The following ERCC8 variants were observed in gnomAD, a reference collection of about 807,000 sequenced individuals.
The protein encoded by ERCC8 is ERCC excision repair 8, CSA ubiquitin ligase complex subunit, also known as DNA excision repair protein ERCC-8.
Under a neutral mutation model 54.9 loss-of-function variants are expected in ERCC8, and 52 were observed. The observed-to-expected ratio is 0.95, with a 90% CI of 0.76 to 1.19. The LOEUF (loss-of-function observed/expected upper bound fraction) is 1.19, where lower values mean the gene tolerates loss of function less well. Among genes scored for constraint, ERCC8 ranks in the 50% most tolerant of loss-of-function variants. The pLI is 0.00. For synonymous variants in ERCC8, 146 were observed against 157.2 expected (o/e 0.93, Z 0.53); for missense variants, 514 against 466.1 (o/e 1.10, Z -0.95).
At chr5:60,885,298 GCCA>G (rs1748364178) in intron 11 of ERCC8, among the ~76,000 whole-genome samples, 1 of 152,042 alleles carries the variant, frequency 6.6e-6, no homozygotes, top group Non-Finnish European at 1.5e-5. Context: ...ACAGATGTGA[GCCA>G]CCACACCTGG....
At chr5:60,937,201 A>G (rs976253410) in intron 1 of ERCC8, among the ~76,000 whole-genome samples, 2 of 152,000 alleles carry the variant, frequency 1.3e-5, no homozygotes, top group African/African-American at 4.8e-5. Flanking sequence ...AGTGGCCTCT[A>G]TGAGGGCCCT....
In ERCC8 at chr5:60,871,114, G is replaced by GA. The variant is rs888749293; in HGVS notation, c.*3500dup. On this transcript the variant is annotated 3_prime_UTR_variant, in exon 12 of 12. Coordinates refer to ENST00000676185, the MANE Select transcript of ERCC8 (RefSeq NM_000082.4). ...CCAGCTAAACTATCATTTCAGAGGGGAAAAAAAAGATGATATTCAACAACT... is the reference window on the plus strand; with the variant it reads ...CCAGCTAAACTATCATTTCAGAGGGGAAAAAAAAAGATGATATTCAACAACT... Among the ~76,000 whole-genome samples, 3 of 151,578 alleles carry GA rather than the reference G, an allele frequency of 2.0e-5. No homozygotes were observed. Among genetic ancestry groups the GA allele is most frequent in the South Asian group, 4.2e-4 (2 of 4,810 alleles).
chr5:60,871,823 C>T lies in ERCC8; in HGVS notation c.*2792G>A, dbSNP rs1217607036. 6.6e-6 allele frequency among the ~76,000 whole-genome samples: 1 copy of T among 152,058 alleles called. No homozygotes were observed. The highest frequency in any genetic ancestry group is 1.5e-5 in the Non-Finnish European group (1 of 68,018). ...TCTTTTCTTTTTCTTTTGGGAGACA[C>T]AAGGTCTCGCCATGTCACCCAGGCT... is the stretch of plus-strand genomic sequence containing the variant. On this transcript the variant is annotated 3_prime_UTR_variant, in exon 12 of 12. Coordinates refer to ENST00000676185, the MANE Select transcript of ERCC8 (RefSeq NM_000082.4).
chr5:60,879,820 A>G (rs1748147072), intron 11 of ERCC8, among the ~76,000 whole-genome samples: 1 of 152,018 alleles, frequency 6.6e-6, no homozygotes, highest in Admixed American at 6.5e-5. Context: ...TCTTTATCCA[A>G]TTTGCCAGTC....
Position 60,938,349 on chromosome 5 carries a change from A to ATT in ERCC8, c.77+6582_77+6583insAA, listed in dbSNP as rs1561519358. The stretch of plus-strand genomic sequence containing the variant: ...GGCCTGTAAGATAGCTACCTTTTTG[A>ATT]ATTTTTTTTTTTTTTTTTTTTTTGA... On this transcript the variant is annotated intron_variant, in intron 1 of 11. Transcript: ENST00000676185. 1.3e-4 allele frequency among the ~76,000 whole-genome samples: 14 copies of ATT among 108,752 alleles called. 2 individuals carry two copies. Among genetic ancestry groups the ATT allele is most frequent in the East Asian group, 4.9e-4 (2 of 4,116 alleles). The allele number at this position is 108,752 out of a possible 152,430, so 71.3% of individuals were successfully genotyped here.
At chr5:60,923,802 T>C (rs1261730600) in intron 2 of ERCC8, among the ~76,000 whole-genome samples, 1 of 152,080 alleles carries the variant, frequency 6.6e-6, no homozygotes, top group East Asian at 1.9e-4. Flanking sequence ...TATACATTTA[T>C]CCCAATCAAA....
chr5:60,885,023 TTTC>T (rs1748354459), intron 11 of ERCC8, among the ~76,000 whole-genome samples: 1 of 152,112 alleles, frequency 6.6e-6, no homozygotes, highest in African/African-American at 2.4e-5. Flanking sequence ...TCTTTTTTTT[TTTC>T]CTTTGAGTCA....
chr5:60,875,499 G>C (rs1263122776), intron 11 of ERCC8, among the ~76,000 whole-genome samples: 1 of 152,146 alleles, frequency 6.6e-6, no homozygotes, highest in Admixed American at 6.6e-5. Flanking sequence ...AGCTACTTCT[G>C]ATACTCATGC....
chr5:60,935,700 A>G (rs937924172), intron 1 of ERCC8, among the ~76,000 whole-genome samples: 2 of 152,086 alleles, frequency 1.3e-5, no homozygotes, highest in Admixed American at 1.3e-4. Flanking sequence ...TTATTACCTT[A>G]AGGTATGTCA....
chr5:60,910,463 GT>G (rs1749225026), intron 4 of ERCC8, among the ~76,000 whole-genome samples: 1 of 152,114 alleles, frequency 6.6e-6, no homozygotes, highest in Non-Finnish European at 1.5e-5. Context: ...CTATAGATCA[GT>G]TTGGGTAGAA....
intron 6 of ERCC8, among the ~76,000 whole-genome samples, 162 bp from the exon 7 acceptor site, chr5:60,902,670 T>C (rs1748937295): frequency 6.6e-6 from 1 of 152,050 alleles, no homozygotes; most frequent in Non-Finnish European, 1.5e-5. Flanking sequence ...TCAATGCTAA[T>C]GTGAAGTTTA....
At chr5:60,883,592 T>G (rs949072367) in intron 11 of ERCC8, among the ~76,000 whole-genome samples, 2 of 152,220 alleles carry the variant, frequency 1.3e-5, no homozygotes, top group Non-Finnish European at 2.9e-5. Context: ...GGATATTTCT[T>G]GATAACTTTC....
chr5:60,928,101 T>A (rs1039447971), intron 2 of ERCC8, among the ~76,000 whole-genome samples: 1 of 152,222 alleles, frequency 6.6e-6, no homozygotes, highest in African/African-American at 2.4e-5. Context: ...TAATGCTATA[T>A]GTGGCCTAAT....
At chr5:60,934,005 T>C (rs1749989834) in intron 1 of ERCC8, among the ~76,000 whole-genome samples, 1 of 152,132 alleles carries the variant, frequency 6.6e-6, no homozygotes, top group East Asian at 1.9e-4. Flanking sequence ...TTTGGGCTGG[T>C]TCTATATTTT....
intron 9 of ERCC8, among the ~76,000 whole-genome samples, chr5:60,891,558 C>T (rs1009276764): frequency 6.6e-6 from 1 of 151,496 alleles, no homozygotes; most frequent in Non-Finnish European, 1.5e-5. Context: ...AAGACTACCC[C>T]ACCAAGAATT....
intron 2 of ERCC8, among the ~76,000 whole-genome samples, chr5:60,924,734 G>T (rs1450325101): frequency 6.6e-6 from 1 of 151,582 alleles, no homozygotes; most frequent in Non-Finnish European, 1.5e-5. Flanking sequence ...ATTTTCCTCT[G>T]TTCATTTCTT....
intron 2 of ERCC8, among the ~76,000 whole-genome samples, chr5:60,925,118 G>C (rs1749708398): frequency 6.6e-6 from 1 of 151,884 alleles, no homozygotes. Context: ...TCATTTTTAT[G>C]TAAAATTAAT....
rs1031250600 is a variant in ERCC8, at chr5:60,890,921, C to A, written c.1009G>T (p.Val337Phe). Residue 337 changes from valine (V) to phenylalanine (F), a missense_variant, in exon 10 of 12, where the codon GTT becomes TTT. By Grantham distance (50) the Val-to-Phe change is conservative. Coordinates refer to ENST00000676185, the MANE Select transcript of ERCC8 (RefSeq NM_000082.4). ...ITMLKGHYKT[V>F]DCCVFQSNFQ... ...TTTGACTGAAATACACAGCAGTCAA[C>A]AGTTTTATAATGTCCCTTAAGCATA... The A allele has an allele frequency of 6.2e-7, 1 of 1,613,534 alleles. No individual in the cohort carries two copies. The highest frequency in any genetic ancestry group is 1.7e-5 in the Admixed American group (1 of 60,008).
At chr5:60,934,243 A>T (rs1056606651) in intron 1 of ERCC8, among the ~76,000 whole-genome samples, 2 of 152,176 alleles carry the variant, frequency 1.3e-5, no homozygotes, top group Non-Finnish European at 2.9e-5. Context: ...CCATGCCAAC[A>T]TCTACTATAT....
Sources: allele counts gnomAD v4.1 joint callset (sites outside exome capture counted in the v4.1 genomes callset), GRCh38; gene constraint gnomAD v4.1.1; transcripts MANE v1.5; gene names NCBI Gene and HGNC (gene_info 2026-07-23, HGNC 2026-07-21).